FASN: variants seen among roughly 807,000 people sequenced by gnomAD.
The protein encoded by FASN is fatty acid synthase.
A neutral mutation model predicts 250.0 loss-of-function variants in FASN; 50 were observed. The ratio of observed to expected loss-of-function variants is 0.20; its 90% CI spans 0.16 to 0.25. FASN has a LOEUF of 0.25. Ranked by LOEUF, FASN falls within the 10% of genes least tolerant of loss-of-function variation. The probability of loss-of-function intolerance (pLI) is 1.00; values close to 1 mark genes in which losing one functional copy is unlikely to be tolerated. For synonymous variants in FASN, 1,909 were observed against 1,584.0 expected, an observed-to-expected ratio of 1.21 and a Z score of -4.87; for missense variants, 3,031 against 3,498.5, an observed-to-expected ratio of 0.87 and a Z score of 3.37.
chr17:82,089,457 C>T, intron 12 of FASN, 73 bp from the exon 13 acceptor site: 1 of 1,610,424 alleles, frequency 6.2e-7, no homozygotes, highest in South Asian at 1.1e-5. Context: ...TAGGGCGCAC[C>T]CACCTCACCC....
intron 1 of FASN, 122 bp from the exon 2 acceptor site, chr17:82,096,574 G>A: frequency 2.8e-6 from 4 of 1,448,102 alleles, no homozygotes; most frequent in African/African-American, 1.4e-5. Flanking sequence ...GTCCGTGCGG[G>A]CCCTGGCTCC....
rs879389652 is a variant in FASN at position 82,083,429 on chromosome 17, C to T, written c.5342-4G>A. 6 of 1,612,654 alleles carry T rather than the reference C, an allele frequency of 3.7e-6. No individual in the cohort carries two copies. The highest frequency in any genetic ancestry group is 1.6e-4 in the Middle Eastern group (1 of 6,062). On this transcript the variant is annotated splice_region_variant and splice_polypyrimidine_tract_variant and intron_variant, in intron 31 of 42. Coordinates refer to ENST00000306749, the MANE Select transcript of FASN (RefSeq NM_004104.5). ...TTCTTCAGGAAGATAGCCATGCCTG[C>T]GGGCAGGGGCCGTGCTCACCCAGGG...
In FASN at chr17:82,079,081, G is replaced by C. The variant is rs1463605192; in HGVS notation, c.*62C>G. The C allele has an allele frequency of 3.4e-5, 50 of 1,467,560 alleles. No homozygotes were observed. Among genetic ancestry groups the C allele is most frequent in the Non-Finnish European group, 4.5e-5 (49 of 1,086,390 alleles). 90.9% of individuals were successfully genotyped at this position (1,467,560 alleles called of 1,614,324 possible). ...ACCCTTCAATCCCGTTGCATGGCGG[G>C]GGTGGGGTGGGGTGGGGTGGGGATG... On this transcript the variant is annotated 3_prime_UTR_variant, in exon 43 of 43. Transcript: ENST00000306749.
At position 82,083,572 on chromosome 17, in the gene FASN, C is replaced by A. The variant is rs757673185; in HGVS notation, c.5286G>T (p.Thr1762=). 2 of 1,612,726 alleles carry A rather than the reference C, an allele frequency of 1.2e-6. No homozygotes were observed. Among genetic ancestry groups the A allele is most frequent in the South Asian group, 1.1e-5 (1 of 91,076 alleles). ...KLQASVRCLA[T]HGRFLEIGKF... The stretch of plus-strand genomic sequence containing the variant: ...TGCCAATTTCCAGGAAGCGACCGTG[C>A]GTAGCCAAGCACCTCACGCTGGCCT... The change falls in exon 31 of 43, where the codon ACG becomes ACT. Residue 1762 remains threonine (T), a synonymous_variant. Coordinates refer to ENST00000306749, the MANE Select transcript of FASN (RefSeq NM_004104.5).
At chr17:82,080,262 A>G (rs767855765) in intron 40 of FASN, 24 bp from the exon 41 acceptor site, 1 of 1,612,626 alleles carries the variant, frequency 6.2e-7, no homozygotes, top group Admixed American at 1.7e-5. Flanking sequence ...GGGACTGCTG[A>G]GCAGATGGAA....
chr17:82,086,699 G>T (rs1013640569), intron 21 of FASN, 141 bp from the exon 22 acceptor site: 34 of 740,876 alleles, frequency 4.6e-5, no homozygotes, highest in Middle Eastern at 7.3e-4. Context: ...GGTTGAGGAA[G>T]GGGCTGCCCA....
rs1392294588 is a variant in FASN, at chr17:82,080,509, C to T, written c.6908G>A (p.Arg2303His). 24 of 1,563,608 alleles carry T rather than the reference C, an allele frequency of 1.5e-5. No individual in the cohort carries two copies. The highest frequency in any genetic ancestry group is 3.8e-5 in the Admixed American group (2 of 52,570). Reference sequence around the variant, plus strand: ...GGCCCCGTAGGAGTAGCCGGCCACGCGGTAGGGGCCCTCGGGCTGCACCTG... The same window carrying T: ...GGCCCCGTAGGAGTAGCCGGCCACGTGGTAGGGGCCCTCGGGCTGCACCTG... Reference protein sequence around the residue: ...IRQVQPEGPYRVAGYSYGACV... With the variant: ...IRQVQPEGPYHVAGYSYGACV... The change falls in exon 40 of 43, where the codon CGC (arginine) becomes CAC (histidine). Residue 2303 changes from arginine to histidine, a missense_variant. Physicochemically the swap from Arg to His is conservative, Grantham distance 29 (BLOSUM62 0). Coordinates refer to ENST00000306749, the MANE Select transcript of FASN (RefSeq NM_004104.5).
chr17:82,083,965 G>T lies in FASN; in HGVS notation c.5098+10C>A, dbSNP rs760075562. On this transcript the variant is annotated intron_variant, in intron 29 of 42. Transcript: ENST00000306749. Reference sequence around the variant, plus strand: ...GAGGGCAGCGGGAGGCACCGGGGGCGGGGCCTTACCCACGGTGGTGAAGAC... The same window carrying T: ...GAGGGCAGCGGGAGGCACCGGGGGCTGGGCCTTACCCACGGTGGTGAAGAC... The T allele has an allele frequency of 4.5e-6, 7 of 1,542,370 alleles. No homozygotes were observed. Among genetic ancestry groups the T allele is most frequent in the Non-Finnish European group, 6.1e-6 (7 of 1,146,208 alleles).
chr17:82,080,017 T>A (rs2033959072), intron 41 of FASN, 123 bp downstream of exon 41: 1 of 1,088,614 alleles, frequency 9.2e-7, no homozygotes, highest in African/African-American at 1.5e-5. Context: ...CGGGATCGGC[T>A]ATTAAAGGGG....
intron 1 of FASN, among the ~76,000 whole-genome samples, chr17:82,097,062 G>A (rs1161286032): frequency 3.9e-5 from 6 of 152,240 alleles, no homozygotes; most frequent in Non-Finnish European, 8.8e-5. Flanking sequence ...CACCAGGGCT[G>A]GGGAGGGACG....
At chr17:82,089,492 A>C in intron 12 of FASN, 108 bp from the exon 13 acceptor site, 1 of 1,592,356 alleles carries the variant, frequency 6.3e-7, no homozygotes, top group Non-Finnish European at 8.6e-7. Context: ...GGGAATGGGC[A>C]AGGGACCTGA....
intron 1 of FASN, chr17:82,096,872 G>T: frequency 3.2e-6 from 1 of 314,540 alleles, no homozygotes; most frequent in Non-Finnish European, 6.3e-6. Flanking sequence ...AGCAGGCAGG[G>T]TCACCTGAGA....
rs772354609 is a variant in FASN at position 82,092,751 on chromosome 17, G to A, written c.840C>T (p.Ala280=). Residue 280 remains alanine (A), a synonymous_variant, in exon 7 of 43, where the codon GCC becomes GCT. Coordinates refer to ENST00000306749, the MANE Select transcript of FASN (RefSeq NM_004104.5). ...ATTCAAATGACTCAGGGGCCACTCCGGCCGACTGGTACAACGAGCGGATGA... is the reference window on the plus strand; with the variant it reads ...ATTCAAATGACTCAGGGGCCACTCCAGCCGACTGGTACAACGAGCGGATGA... ...EQLIRSLYQS[A]GVAPESFEYI... The A allele has an allele frequency of 7.7e-5, 123 of 1,605,442 alleles. No homozygotes were observed. The highest frequency in any genetic ancestry group is 1.2e-4 in the South Asian group (11 of 90,154).
In FASN at chr17:82,079,296, T is replaced by C; in HGVS notation, c.7399-16A>G. The C allele has an allele frequency of 6.2e-7, 1 of 1,612,958 alleles. No homozygotes were observed. The highest frequency in any genetic ancestry group is 1.1e-5 in the South Asian group (1 of 91,086). ...CGTCGCATACCTGCAGGGGATGCGA[T>C]CAGCTGCCGTCCCACCCCACTCCTG... On this transcript the variant is annotated splice_polypyrimidine_tract_variant and intron_variant, in intron 42 of 42. Coordinates refer to ENST00000306749, the MANE Select transcript of FASN (RefSeq NM_004104.5).
intron 11 of FASN, 83 bp downstream of exon 11, chr17:82,090,292 G>A: frequency 7.1e-7 from 1 of 1,404,544 alleles, no homozygotes; most frequent in Non-Finnish European, 9.7e-7. Context: ...ACGGGGGCCA[G>A]GCCAGGGCTG....
At position 82,090,926 on chromosome 17, in the gene FASN, A is replaced by G. The variant is rs745441109; in HGVS notation, c.1636T>C (p.Phe546Leu). The change falls in exon 10 of 43, where the codon TTT (phenylalanine) becomes CTT (leucine). Residue 546 changes from phenylalanine to leucine, a missense_variant. Phe to Leu is a conservative substitution (Grantham distance 22). Transcript: ENST00000306749. ...ACAAACGAATGGACGATGTCATCAA[A>G]GGTGCTCTCGTCTGTGCTCAGCAGC... ...QLLLSTDEST[F>L]DDIVHSFVSL... is the part of the protein sequence containing the mutation. 6.2e-7 allele frequency: 1 copy of G among 1,611,142 alleles called. No individual in the cohort carries two copies. Among genetic ancestry groups the G allele is most frequent in the Admixed American group, 1.7e-5 (1 of 59,782 alleles).
intron 2 of FASN, 84 bp downstream of exon 2, chr17:82,096,235 C>T: frequency 3.1e-6 from 5 of 1,594,266 alleles, no homozygotes; most frequent in Non-Finnish European, 4.3e-6. Context: ...GGTGAGGACA[C>T]AGCACAGCAG....
chr17:82,093,825 C>T (rs2034258714), intron 3 of FASN, 54 bp from the exon 4 acceptor site: 4 of 1,253,356 alleles, frequency 3.2e-6, no homozygotes, highest in South Asian at 2.5e-5. Context: ...CGCAGCCAGC[C>T]CACCCACCCA....
chr17:82,080,484 G>T lies in FASN; in HGVS notation c.6933C>A (p.Ala2311=). 2 of 1,571,984 alleles carry T rather than the reference G, an allele frequency of 1.3e-6. No individual in the cohort carries two copies. The highest frequency in any genetic ancestry group is 1.7e-6 in the Non-Finnish European group (2 of 1,159,600). ...PYRVAGYSYG[A]CVAFEMCSQL... ...GGGAGCACATTTCAAAGGCCACGCA[G>T]GCCCCGTAGGAGTAGCCGGCCACGC... The change falls in exon 40 of 43, where the codon GCC becomes GCA. Residue 2311 remains alanine, a synonymous_variant. Coordinates refer to ENST00000306749, the MANE Select transcript of FASN (RefSeq NM_004104.5).
Sources: allele counts gnomAD v4.1 joint callset (sites outside exome capture counted in the v4.1 genomes callset), GRCh38; gene constraint gnomAD v4.1.1; transcripts MANE v1.5; gene names NCBI Gene and HGNC (gene_info 2026-07-23, HGNC 2026-07-21).